The following ZNF439 variants were observed in gnomAD, a reference collection of about 807,000 sequenced individuals.
The protein encoded by ZNF439 is zinc finger protein 439.
ZNF439 carries 40 observed loss-of-function variants against 47.3 expected under a neutral mutation model. The observed-to-expected ratio is 0.85, with a 90% CI of 0.66 to 1.10. ZNF439 has a LOEUF of 1.10. ZNF439 is among the 50% of genes least tolerant of loss of function. The probability of loss-of-function intolerance (pLI) is 0.00; values close to 1 mark genes in which losing one functional copy is unlikely to be tolerated. For synonymous variants in ZNF439, 171 were observed against 198.8 expected (o/e 0.86, Z 1.18); for missense variants, 556 against 601.1 (o/e 0.93, Z 0.78).
intron 1 of ZNF439, 120 bp from the exon 2 acceptor site, chr19:11,866,085 C>T (rs1976671880): frequency 1.9e-6 from 3 of 1,542,258 alleles, no homozygotes; most frequent in Non-Finnish European, 1.7e-6. Context: ...GATCTGATGA[C>T]CAAAGCAGGG....
chr19:11,867,116 T>G (rs1294688610), intron 3 of ZNF439, among the ~76,000 whole-genome samples, 190 bp from the exon 4 acceptor site: 1 of 152,182 alleles, frequency 6.6e-6, no homozygotes, highest in Non-Finnish European at 1.5e-5. Flanking sequence ...CATATAAACA[T>G]TTTTTTAAAT....
intron 1 of ZNF439, among the ~76,000 whole-genome samples, chr19:11,852,536 G>T (rs777434719): frequency 5.9e-5 from 9 of 152,176 alleles, no homozygotes; most frequent in Non-Finnish European, 1.2e-4. Flanking sequence ...TTGAGACGGG[G>T]TCTCACTCTG....
At chr19:11,866,629 T>G in intron 3 of ZNF439, 32 bp downstream of exon 3, 1 of 1,594,498 alleles carries the variant, frequency 6.3e-7, no homozygotes, top group Non-Finnish European at 8.6e-7. Context: ...AAGCAGTGTC[T>G]CTCTACACGA....
chr19:11,851,433 A>G (rs1005721538), intron 1 of ZNF439, among the ~76,000 whole-genome samples: 2 of 152,166 alleles, frequency 1.3e-5, no homozygotes, highest in Admixed American at 6.5e-5. Flanking sequence ...GTGGGAGTGT[A>G]AGGATACTTG....
intron 1 of ZNF439, among the ~76,000 whole-genome samples, chr19:11,862,513 A>C (rs773325928): frequency 8.5e-5 from 13 of 152,160 alleles, no homozygotes; most frequent in South Asian, 6.2e-4. Flanking sequence ...TTGTGTGGAC[A>C]TCAGTTTTCA....
At chr19:11,856,956 G>A (rs891629253) in intron 1 of ZNF439, 5 of 152,232 alleles carry the variant, frequency 3.3e-5, no homozygotes, top group Non-Finnish European at 5.9e-5. Flanking sequence ...CAGTTTCTAT[G>A]CGACTGGCTA....
At chr19:11,851,374 C>T (rs1278336061) in intron 1 of ZNF439, among the ~76,000 whole-genome samples, 1 of 152,184 alleles carries the variant, frequency 6.6e-6, no homozygotes, top group Non-Finnish European at 1.5e-5. Flanking sequence ...ACCTTGAAAG[C>T]ACATATTATG....
At chr19:11,865,483 A>G (rs1976648312) in intron 1 of ZNF439, among the ~76,000 whole-genome samples, 3 of 149,796 alleles carry the variant, frequency 2.0e-5, no homozygotes, top group Non-Finnish European at 4.4e-5. Context: ...GGGATTTCCC[A>G]GGGGCTACCC....
rs1976611022 is a variant in ZNF439, at chr19:11,864,135, A to AT, written c.64-2064dup. ...CAACCCATTTATGCTAGAGGTTGCA[A>AT]TTTTTTGAATTGCAGACGTGTGAAA... is the stretch of plus-strand genomic sequence containing the variant. On this transcript the variant is annotated intron_variant, in intron 1 of 3. Coordinates refer to ENST00000682736, the MANE Select transcript of ZNF439 (RefSeq NM_001348719.2). Among the ~76,000 whole-genome samples, 6 of 152,100 alleles carry AT rather than the reference A, an allele frequency of 3.9e-5. No homozygotes were observed. The South Asian group carries it at 1.2e-3, about 31-fold the overall frequency.
intron 1 of ZNF439, among the ~76,000 whole-genome samples, chr19:11,862,903 C>T (rs1976576215): frequency 6.6e-6 from 1 of 151,914 alleles, no homozygotes; most frequent in African/African-American, 2.4e-5. Context: ...CATGTACCGC[C>T]ATGCCCAGCC....
chr19:11,868,372 G>T lies in ZNF439; in HGVS notation c.1318G>T (p.Glu440Ter). 1 of 1,605,938 alleles carries T rather than the reference G, an allele frequency of 6.2e-7. No individual in the cohort carries two copies. The highest frequency in any genetic ancestry group is 8.5e-7 in the Non-Finnish European group (1 of 1,173,620). ...LQLHGRTHTGEKPYQCKECGK... is the reference protein window; with the variant it reads ...LQLHGRTHTG ...ATTGCATGGTAGGACTCACACTGGA[G>T]AGAAACCGTATCAATGTAAGGAATG... is the stretch of plus-strand genomic sequence containing the variant. Residue 440 changes from glutamate to a stop codon, truncating the protein, a stop_gained, in exon 4 of 4, where the codon GAG becomes TAG. Coordinates refer to ENST00000682736, the MANE Select transcript of ZNF439 (RefSeq NM_001348719.2). LOFTEE classifies it high-confidence loss of function.
rs1452017588 is a variant in ZNF439 at position 11,866,242 on chromosome 19, C to T, written c.101C>T (p.Thr34Ile). The T allele has an allele frequency of 6.2e-7, 1 of 1,614,106 alleles. No individual in the cohort carries two copies. Among genetic ancestry groups the T allele is most frequent in the Non-Finnish European group, 8.5e-7 (1 of 1,180,026 alleles). ...TTTAAGGATGTGGCTGTGAACTTCA[C>T]CCAGGAGGAGTGGGCTTTGCTGGAT... ...VAFKDVAVNF[T>I]QEEWALLDIS... Residue 34 changes from threonine to isoleucine, a missense_variant, in exon 2 of 4, where the codon ACC becomes ATC. Thr to Ile is a moderately conservative substitution (Grantham distance 89). Transcript: ENST00000682736.
chr19:11,854,450 C>G (rs902458369), intron 1 of ZNF439, among the ~76,000 whole-genome samples: 1 of 152,158 alleles, frequency 6.6e-6, no homozygotes, highest in Non-Finnish European at 1.5e-5. Flanking sequence ...AACCCAAAAT[C>G]ATCAAAGTAG....
Position 11,869,265 on chromosome 19 carries a change from C to A in ZNF439, c.*696C>A. On this transcript the variant is annotated 3_prime_UTR_variant, in exon 4 of 4. Transcript: ENST00000682736. ...AAGCAATGTGGGAAAGCCGTCAGAT[C>A]AGCCTCAAGACTTCAAATGCATGGA... 2 of 213,346 alleles carry A rather than the reference C, an allele frequency of 9.4e-6. No homozygotes were observed. The highest frequency in any genetic ancestry group is 1.8e-4 in the South Asian group (2 of 11,268). The allele number at this position is 213,346 out of a possible 1,614,324, so 13.2% of individuals were successfully genotyped here.
chr19:11,866,883 T>C (rs949950366), intron 3 of ZNF439, among the ~76,000 whole-genome samples: 1 of 152,080 alleles, frequency 6.6e-6, no homozygotes, highest in African/African-American at 2.4e-5. Flanking sequence ...AAAAATTAGC[T>C]GGGCATTGTG....
At chr19:11,852,393 G>C (rs778885804) in intron 1 of ZNF439, among the ~76,000 whole-genome samples, 4 of 152,210 alleles carry the variant, frequency 2.6e-5, no homozygotes, top group Admixed American at 6.5e-5. Flanking sequence ...CAAGGAAAGA[G>C]GTGTTCCAGC....
intron 1 of ZNF439, among the ~76,000 whole-genome samples, chr19:11,859,411 G>T (rs1976480598): frequency 6.6e-6 from 1 of 152,156 alleles, no homozygotes; most frequent in African/African-American, 2.4e-5. Context: ...GCATGATTCT[G>T]TCTAGCCTGG....
intron 1 of ZNF439, among the ~76,000 whole-genome samples, chr19:11,864,186 G>A (rs974771683): frequency 6.6e-6 from 1 of 152,072 alleles, no homozygotes; most frequent in African/African-American, 2.4e-5. Flanking sequence ...ATGACCTTGA[G>A]CAGTAGGATA....
At chr19:11,859,522 T>A (rs911368468) in intron 1 of ZNF439, among the ~76,000 whole-genome samples, 12 of 152,202 alleles carry the variant, frequency 7.9e-5, no homozygotes, top group African/African-American at 2.9e-4. Context: ...ATAAGGCGCA[T>A]AGCACCAAAA....
Sources: gnomAD v4.1 joint callset for allele counts (sites outside exome capture counted in the v4.1 genomes callset) on GRCh38, gnomAD v4.1.1 for gene constraint, MANE v1.5 for transcripts, NCBI Gene and HGNC (gene_info 2026-07-23, HGNC 2026-07-21) for gene names.